Variants in SCIN observed in about 807,000 individuals in gnomAD.
The protein encoded by SCIN is adseverin.
In SCIN, 91 loss-of-function variants were observed where a neutral mutation model predicts 91.8. That is an observed-to-expected ratio of 0.99 (90% CI 0.84 to 1.18). The LOEUF (loss-of-function observed/expected upper bound fraction) is 1.18, where lower values mean the gene tolerates loss of function less well. Among genes scored for constraint, SCIN ranks in the 50% most tolerant of loss-of-function variants. The pLI is 0.00. For synonymous variants in SCIN, 367 were observed against 312.6 expected (o/e 1.17, Z -1.84); for missense variants, 1,087 against 863.9 (o/e 1.26, Z -3.24).
At chr7:12,579,672 T>A (rs1014594743) in intron 2 of SCIN, among the ~76,000 whole-genome samples, 2 of 152,152 alleles carry the variant, frequency 1.3e-5, no homozygotes, top group East Asian at 1.9e-4. Flanking sequence ...TCCCAACACT[T>A]TGAGAGGCCA....
Position 12,604,946 on chromosome 7 carries a change from TG to T in SCIN, c.666+284del, listed in dbSNP as rs368932373. Among the ~76,000 whole-genome samples, 54 of 152,276 alleles carry T rather than the reference TG, an allele frequency of 3.5e-4. No homozygotes were observed. In the South Asian group the frequency reaches 0.01, roughly 29 times the overall value. Reference sequence around the variant, plus strand: ...TAGTATATGAGGTGAAACAAATGAGTGACACTTCTGAAATTGACCGTAAGAA... The same window carrying T: ...TAGTATATGAGGTGAAACAAATGAGTACACTTCTGAAATTGACCGTAAGAA... On this transcript the variant is annotated intron_variant, in intron 4 of 15. Transcript: ENST00000297029.
intron 3 of SCIN, chr7:12,596,327 G>T (rs147570564): frequency 1.1e-4 from 49 of 456,082 alleles, no homozygotes; most frequent in South Asian, 4.7e-4. Context: ...ACATCCCCAA[G>T]AAGTTGCTTC....
intron 3 of SCIN, among the ~76,000 whole-genome samples, chr7:12,594,499 G>A (rs1276932089): frequency 5.3e-5 from 8 of 152,238 alleles, no homozygotes; most frequent in East Asian, 1.9e-4. Flanking sequence ...TATTGAAATC[G>A]AAAGTGCCAT....
intron 11 of SCIN, 102 bp from the exon 12 acceptor site, chr7:12,644,036 G>A: frequency 9.5e-7 from 1 of 1,047,800 alleles, no homozygotes; most frequent in Non-Finnish European, 1.4e-6. Context: ...GGATAGGGCA[G>A]AAGGCGATGT....
chr7:12,605,593 T>C (rs1783064366), intron 4 of SCIN, among the ~76,000 whole-genome samples: 1 of 152,210 alleles, frequency 6.6e-6, no homozygotes, highest in African/African-American at 2.4e-5. Context: ...ATTTATACAA[T>C]ATTTTAAATA....
intron 4 of SCIN, among the ~76,000 whole-genome samples, chr7:12,607,895 G>A (rs777933455): frequency 5.3e-5 from 8 of 152,156 alleles, no homozygotes; most frequent in Non-Finnish European, 1.0e-4. Flanking sequence ...AAAAGCCCAT[G>A]AACTTGGTTG....
rs1784172998 is a variant in SCIN, at chr7:12,656,887, TC to T, written c.*4174del. On this transcript the variant is annotated 3_prime_UTR_variant, in exon 16 of 16. Coordinates refer to ENST00000297029, the MANE Select transcript of SCIN (RefSeq NM_001112706.3). ...GGAGCGAAAGTACGCGCCACTGTAC[TC>T]CAGCCTGCGTGACGATGAGAGTCTC... The T allele has an allele frequency of 6.7e-6, 1 of 148,934 alleles. No homozygotes were observed. Among genetic ancestry groups the T allele is most frequent in the East Asian group, 2.0e-4 (1 of 5,002 alleles). 9.2% of individuals were successfully genotyped at this position (148,934 alleles called of 1,614,324 possible).
At chr7:12,585,164 TCA>T (rs1782561297) in intron 3 of SCIN, among the ~76,000 whole-genome samples, 1 of 152,226 alleles carries the variant, frequency 6.6e-6, no homozygotes, top group African/African-American at 2.4e-5. Context: ...AGTCAGACTT[TCA>T]CTCTCACAGT....
rs183618998 is a variant in SCIN at position 12,656,070 on chromosome 7, G to A, written c.*3355G>A. On this transcript the variant is annotated 3_prime_UTR_variant, in exon 16 of 16. Coordinates refer to ENST00000297029, the MANE Select transcript of SCIN (RefSeq NM_001112706.3). The stretch of plus-strand genomic sequence containing the variant: ...GCACAATCCTCAGTGTTCTCTTCTC[G>A]TCTTAGATAGCTCATCAAATAATAT... 6.6e-5 allele frequency: 10 copies of A among 152,246 alleles called. No individual in the cohort carries two copies. The highest frequency in any genetic ancestry group is 1.3e-4 in the Admixed American group (2 of 15,294). 9.4% of individuals were successfully genotyped at this position (152,246 alleles called of 1,614,324 possible).
At chr7:12,646,183 T>C (rs1783962056) in intron 13 of SCIN, among the ~76,000 whole-genome samples, 1 of 152,226 alleles carries the variant, frequency 6.6e-6, no homozygotes, top group African/African-American at 2.4e-5. Flanking sequence ...AAATTAGAAG[T>C]ATGTGTATGC....
intron 3 of SCIN, among the ~76,000 whole-genome samples, chr7:12,583,103 A>T (rs1782521886): frequency 6.6e-6 from 1 of 151,668 alleles, no homozygotes; most frequent in Non-Finnish European, 1.5e-5. Context: ...ACTTGAAAGT[A>T]TTTCTTTTCT....
At chr7:12,579,436 A>T (rs541304607) in intron 2 of SCIN, among the ~76,000 whole-genome samples, 1 of 152,208 alleles carries the variant, frequency 6.6e-6, no homozygotes, top group African/African-American at 2.4e-5. Context: ...CATTTTAAAT[A>T]AATTGAGTCT....
intron 11 of SCIN, among the ~76,000 whole-genome samples, chr7:12,641,320 A>G (rs1203932005): frequency 1.3e-5 from 2 of 152,080 alleles, no homozygotes; most frequent in Non-Finnish European, 2.9e-5. Context: ...TCCTCTGAGG[A>G]CAGATTCCCT....
At chr7:12,600,766 A>G (rs1328021975) in intron 3 of SCIN, among the ~76,000 whole-genome samples, 2 of 152,188 alleles carry the variant, frequency 1.3e-5, no homozygotes, top group African/African-American at 4.8e-5. Flanking sequence ...AGCTTTTAAT[A>G]AACACAGCTG....
chr7:12,646,223 A>G (rs1783962846), intron 13 of SCIN, among the ~76,000 whole-genome samples: 1 of 152,244 alleles, frequency 6.6e-6, no homozygotes, highest in Non-Finnish European at 1.5e-5. Context: ...TATCACAAAA[A>G]TACCATTGAC....
At chr7:12,636,301 A>G (rs1408776276) in intron 10 of SCIN, among the ~76,000 whole-genome samples, 166 bp downstream of exon 10, 2 of 152,200 alleles carry the variant, frequency 1.3e-5, no homozygotes, top group Non-Finnish European at 2.9e-5. Flanking sequence ...CAAATTAGTT[A>G]TCTCAGATTC....
intron 15 of SCIN, 150 bp downstream of exon 15, chr7:12,652,051 A>AT: frequency 1.7e-6 from 1 of 582,928 alleles, no homozygotes; most frequent in Non-Finnish European, 3.0e-6. Flanking sequence ...GAGTAATGGG[A>AT]TTTTTTGAAC....
At chr7:12,609,871 G>A (rs1021969351) in intron 4 of SCIN, among the ~76,000 whole-genome samples, 5 of 25,196 alleles carry the variant, frequency 2.0e-4, no homozygotes, top group African/African-American at 2.8e-4. Context: ...TCAGATTTTT[G>A]ACCTAAAAAA....
chr7:12,596,332 T>C (rs769805135), intron 3 of SCIN: 17 of 456,002 alleles, frequency 3.7e-5, no homozygotes, highest in Non-Finnish European at 6.2e-5. Flanking sequence ...CCCAAGAAGT[T>C]GCTTCTCCCT....
Sources: gnomAD v4.1 joint callset for allele counts (sites outside exome capture counted in the v4.1 genomes callset) on GRCh38, gnomAD v4.1.1 for gene constraint, MANE v1.5 for transcripts, NCBI Gene and HGNC (gene_info 2026-07-23, HGNC 2026-07-21) for gene names.